The following GAPVD1 variants were observed in gnomAD, a reference collection of about 807,000 sequenced individuals.
GAPVD1 encodes the protein GTPase-activating protein and VPS9 domain-containing protein 1.
GAPVD1 carries 35 observed loss-of-function variants against 155.5 expected under a neutral mutation model. That is an observed-to-expected ratio of 0.23 (90% CI 0.17 to 0.30). GAPVD1 has a LOEUF of 0.30. Ranked by LOEUF, GAPVD1 falls within the 10% of genes least tolerant of loss-of-function variation. The probability of loss-of-function intolerance (pLI) is 1.00; values close to 1 mark genes in which losing one functional copy is unlikely to be tolerated. For synonymous variants in GAPVD1, 636 were observed against 619.7 expected, an observed-to-expected ratio of 1.03 and a Z score of -0.39; for missense variants, 1,429 against 1,775.7, an observed-to-expected ratio of 0.80 and a Z score of 3.51.
Position 125,268,517 on chromosome 9 carries a change from C to G in GAPVD1, c.-198-419C>G, listed in dbSNP as rs1309685966. On this transcript the variant is annotated intron_variant, in intron 1 of 27. Coordinates refer to ENST00000297933, the MANE Select transcript of GAPVD1 (RefSeq NM_001282680.3). ...ATTGTTTTTTTTTTTTTTTTTTTTTCGAGACAAGGTCTTGGTCTGTCATGC... is the reference window on the plus strand; with the variant it reads ...ATTGTTTTTTTTTTTTTTTTTTTTTGGAGACAAGGTCTTGGTCTGTCATGC... 1.6e-4 allele frequency among the ~76,000 whole-genome samples: 6 copies of G among 36,598 alleles called. No individual in the cohort carries two copies. The South Asian group carries it at 4.7e-3, about 28-fold the overall frequency. 24.0% of individuals were successfully genotyped at this position (36,598 alleles called of 152,430 possible). A position where few individuals can be genotyped will look rare whatever the true frequency, so the allele number is the denominator to read the frequency against.
intron 25 of GAPVD1, 28 bp downstream of exon 25, chr9:125,355,885 G>T (rs1430375476): frequency 1.6e-6 from 2 of 1,235,764 alleles, no homozygotes; most frequent in Admixed American, 3.4e-5. Context: ...GAGTGCCTAT[G>T]TGGAACTACA....
chr9:125,337,223 G>T lies in GAPVD1; in HGVS notation c.2509G>T (p.Ala837Ser), dbSNP rs1203221374. ...MFDPLSSHEG[A>S]SAVVRPKVHY... Reference sequence around the variant, plus strand: ...AAACTTTTTTTCCTGTGTTGCAGGGGCTTCTGCTGTGGTAAGGCCAAAGGT... The same window carrying T: ...AAACTTTTTTTCCTGTGTTGCAGGGTCTTCTGCTGTGGTAAGGCCAAAGGT... Residue 837 changes from alanine to serine, a missense_variant and splice_region_variant, in exon 17 of 28, where the codon GCT becomes TCT. Ala to Ser is a moderately conservative substitution (Grantham distance 99). Transcript: ENST00000297933. 2.5e-6 allele frequency: 4 copies of T among 1,613,636 alleles called. No homozygotes were observed. The highest frequency in any genetic ancestry group is 1.3e-5 in the African/African-American group (1 of 74,876).
At chr9:125,315,690 ACAGT>A (rs768707997) in intron 9 of GAPVD1, among the ~76,000 whole-genome samples, 5 of 152,120 alleles carry the variant, frequency 3.3e-5, no homozygotes, top group Non-Finnish European at 5.9e-5. Flanking sequence ...TTAAGGGATA[ACAGT>A]CAGGGCAATC....
chr9:125,363,974 CA>C lies in GAPVD1; in HGVS notation c.*1229del, dbSNP rs541677046. On this transcript the variant is annotated 3_prime_UTR_variant, in exon 28 of 28. Transcript: ENST00000297933. The stretch of plus-strand genomic sequence containing the variant: ...GTGCCTGAAAAATTGGCCATGGAGG[CA>C]CACCAAAGCTTCAAGCACAAGTCTT... 2.9e-3 allele frequency: 446 copies of C among 152,664 alleles called. 5 individuals are homozygous for C. The highest frequency in any genetic ancestry group is 0.015 in the South Asian group (71 of 4,826). 9.5% of individuals were successfully genotyped at this position (152,664 alleles called of 1,614,324 possible).
chr9:125,276,645 C>T (rs1171689253), intron 2 of GAPVD1, among the ~76,000 whole-genome samples: 1 of 152,172 alleles, frequency 6.6e-6, no homozygotes, highest in African/African-American at 2.4e-5. Flanking sequence ...GCCGAGAGTG[C>T]ACCATTGCAC....
At chr9:125,278,340 GT>G (rs1205555433) in intron 2 of GAPVD1, among the ~76,000 whole-genome samples, 1 of 151,996 alleles carries the variant, frequency 6.6e-6, no homozygotes, top group East Asian at 1.9e-4. Flanking sequence ...GGCCAACATG[GT>G]GAAACCCTGT....
At chr9:125,262,904 A>G (rs1833170808) in intron 1 of GAPVD1, among the ~76,000 whole-genome samples, 1 of 151,356 alleles carries the variant, frequency 6.6e-6, no homozygotes, top group Admixed American at 6.6e-5. Context: ...AATTACGGAT[A>G]TTTTTGCATC....
intron 1 of GAPVD1, among the ~76,000 whole-genome samples, chr9:125,265,038 A>T (rs1289446987): frequency 1.3e-5 from 2 of 152,132 alleles, no homozygotes; most frequent in East Asian, 3.9e-4. Flanking sequence ...TTTTTAAAAG[A>T]CAAAAAATTA....
chr9:125,337,064 G>A lies in GAPVD1; in HGVS notation c.2475G>A (p.Leu825=), dbSNP rs779375666. 6.2e-7 allele frequency: 1 copy of A among 1,613,072 alleles called. No homozygotes were observed. The highest frequency in any genetic ancestry group is 8.5e-7 in the Non-Finnish European group (1 of 1,179,060). The change falls in exon 16 of 28, where the codon CTG becomes CTA. Residue 825 remains leucine (L), a synonymous_variant. Coordinates refer to ENST00000297933, the MANE Select transcript of GAPVD1 (RefSeq NM_001282680.3). ...TSPPSQSESL[L]AMFDPLSSHE... Reference sequence around the variant, plus strand: ...CTCCTTCTCAGTCAGAGTCTCTGCTGGCCATGTTTGATCCACTGTCTTCAC... The same window carrying A: ...CTCCTTCTCAGTCAGAGTCTCTGCTAGCCATGTTTGATCCACTGTCTTCAC...
chr9:125,262,472 A>T (rs1044564041), intron 1 of GAPVD1, among the ~76,000 whole-genome samples: 2 of 152,082 alleles, frequency 1.3e-5, no homozygotes, highest in Non-Finnish European at 2.9e-5. Context: ...AAAGTGAGGG[A>T]GCTGTTGGTT....
At chr9:125,356,020 T>C (rs1355063003) in intron 25 of GAPVD1, among the ~76,000 whole-genome samples, 163 bp downstream of exon 25, 2 of 152,184 alleles carry the variant, frequency 1.3e-5, no homozygotes, top group Non-Finnish European at 2.9e-5. Flanking sequence ...CAAAGAATAA[T>C]ACCCAGTTTT....
chr9:125,335,402 G>A, intron 15 of GAPVD1: 1 of 432,174 alleles, frequency 2.3e-6, no homozygotes, highest in South Asian at 3.7e-5. Flanking sequence ...ATGGGGCTGG[G>A]CGCGGTGGCT....
At chr9:125,331,904 A>T in intron 13 of GAPVD1, 22 bp from the exon 14 acceptor site, 1 of 1,612,548 alleles carries the variant, frequency 6.2e-7, no homozygotes, top group Non-Finnish European at 8.5e-7. Flanking sequence ...CAAATGTAAC[A>T]TACCTCTTAT....
At chr9:125,287,555 A>G (rs1837906129) in intron 2 of GAPVD1, among the ~76,000 whole-genome samples, 1 of 152,172 alleles carries the variant, frequency 6.6e-6, no homozygotes, top group Non-Finnish European at 1.5e-5. Context: ...TGGCAGGAGC[A>G]GGAAAGTTTA....
chr9:125,263,537 T>C, intron 1 of GAPVD1: 1 of 968,544 alleles, frequency 1.0e-6, no homozygotes, highest in Non-Finnish European at 1.6e-6. Flanking sequence ...TGTTTTTTTT[T>C]TTTTGGTTGT....
intron 21 of GAPVD1, among the ~76,000 whole-genome samples, chr9:125,349,847 A>G (rs373970854): frequency 1.3e-5 from 2 of 151,770 alleles, no homozygotes; most frequent in Admixed American, 6.6e-5. Context: ...AAAAAGAAAA[A>G]GGAAAAAAAA....
intron 19 of GAPVD1, among the ~76,000 whole-genome samples, chr9:125,344,158 C>T (rs1417282392): frequency 1.3e-5 from 2 of 152,166 alleles, no homozygotes; most frequent in Non-Finnish European, 2.9e-5. Flanking sequence ...TTTCATTAAA[C>T]CAATTTAAAA....
chr9:125,355,228 C>G (rs1849897809), intron 24 of GAPVD1, among the ~76,000 whole-genome samples: 1 of 98,048 alleles, frequency 1.0e-5, no homozygotes, highest in Non-Finnish European at 2.0e-5. Flanking sequence ...GCCTCAGCCT[C>G]CCAAGTAGCT....
chr9:125,286,096 C>T (rs1307542094), intron 2 of GAPVD1, among the ~76,000 whole-genome samples: 2 of 151,610 alleles, frequency 1.3e-5, no homozygotes, highest in African/African-American at 2.4e-5. Flanking sequence ...ATGTGAGCCA[C>T]TTCACCTGGC....
Sources: allele counts gnomAD v4.1 joint callset (sites outside exome capture counted in the v4.1 genomes callset), GRCh38; gene constraint gnomAD v4.1.1; transcripts MANE v1.5; gene names NCBI Gene and HGNC (gene_info 2026-07-23, HGNC 2026-07-21).